The following CD3G variants were observed in gnomAD, a reference collection of about 807,000 sequenced individuals.
CD3G encodes T-cell surface glycoprotein CD3 gamma chain.
A neutral mutation model predicts 28.3 loss-of-function variants in CD3G; 24 were observed. That is an observed-to-expected ratio of 0.85 (90% CI 0.61 to 1.19). CD3G has a LOEUF of 1.19. Ranked by LOEUF, CD3G falls within the 50% of genes most tolerant of loss-of-function variation. The pLI, the probability that CD3G is intolerant of heterozygous loss-of-function variation, is 0.00. For synonymous variants in CD3G, 71 were observed against 75.9 expected (o/e 0.93, Z 0.34); for missense variants, 211 against 210.0 (o/e 1.00, Z -0.03).
At chr11:118,350,410 C>A in intron 3 of CD3G, 142 bp from the exon 4 acceptor site, 2 of 748,804 alleles carry the variant, frequency 2.7e-6, no homozygotes, top group Non-Finnish European at 4.8e-6. Flanking sequence ...AGTTTTGGCG[C>A]AAGGATCTTC....
Position 118,350,697 on chromosome 11 carries a change from C to T in CD3G, c.439+14C>T. The T allele has an allele frequency of 1.9e-6, 3 of 1,613,594 alleles. No individual in the cohort carries two copies. The highest frequency in any genetic ancestry group is 1.1e-5 in the South Asian group (1 of 91,010). ...GCCAGTCGAGAGGTAAAAGAATGCTCTTAGATGAGAGATGGGACCACCTGA... is the reference window on the plus strand; with the variant it reads ...GCCAGTCGAGAGGTAAAAGAATGCTTTTAGATGAGAGATGGGACCACCTGA... On this transcript the variant is annotated intron_variant, in intron 4 of 6. Transcript: ENST00000532917.
chr11:118,350,679 G>A lies in CD3G; in HGVS notation c.435G>A (p.Ser145=). 6.2e-7 allele frequency: 1 copy of A among 1,613,676 alleles called. No homozygotes were observed. The highest frequency in any genetic ancestry group is 1.1e-5 in the South Asian group (1 of 91,018). The change falls in exon 4 of 7, where the codon TCG becomes TCA. Residue 145 remains serine, a synonymous_variant. Coordinates refer to ENST00000532917, the MANE Select transcript of CD3G (RefSeq NM_000073.3). ...FIAGQDGVRQ[S]RASDKQTLLP... is the part of the protein sequence containing the mutation. ...CTGGACAGGATGGAGTTCGCCAGTC[G>A]AGAGGTAAAAGAATGCTCTTAGATG...
rs377262966 is a variant in CD3G at position 118,344,463 on chromosome 11, A to G, written c.40A>G (p.Ile14Val). ...GGGCCTGGCTGTCCTCATCCTGGCT[A>G]TCATTCTTCTTCAAGGTAAGGGCCT... ...GKGLAVLILA[I>V]ILLQGTLAQS... The change falls in exon 1 of 7, where the codon ATC (isoleucine) becomes GTC (valine). Residue 14 changes from isoleucine (I) to valine (V), a missense_variant. Coordinates refer to ENST00000532917, the MANE Select transcript of CD3G (RefSeq NM_000073.3). 7.0e-6 allele frequency: 11 copies of G among 1,569,638 alleles called. No homozygotes were observed. In the African/African-American group the frequency reaches 1.3e-4, roughly 19 times the overall value.
At chr11:118,350,516 C>T (rs200725610) in intron 3 of CD3G, 36 bp from the exon 4 acceptor site, 4 of 1,535,054 alleles carry the variant, frequency 2.6e-6, no homozygotes, top group East Asian at 4.5e-5. Flanking sequence ...AAACAACTTT[C>T]GCAACCTGAA....
In CD3G at chr11:118,354,516, T is replaced by C. The variant is rs1178075023; in HGVS notation, c.*1416T>C. 3 of 151,520 alleles carry C rather than the reference T, an allele frequency of 2.0e-5. No individual in the cohort carries two copies. Among genetic ancestry groups the C allele is most frequent in the African/African-American group, 7.3e-5 (3 of 41,190 alleles). The allele number at this position is 151,520 out of a possible 1,614,324, so 9.4% of individuals were successfully genotyped here. ...GTGTATCTAGTATTTGTGTACTTAG[T>C]AGAGACAGGGTTTCACCATGTTGGC... On this transcript the variant is annotated 3_prime_UTR_variant, in exon 7 of 7. Transcript: ENST00000532917.
At chr11:118,347,548 CTAATT>C (rs1375132387) in intron 1 of CD3G, among the ~76,000 whole-genome samples, 2 of 152,140 alleles carry the variant, frequency 1.3e-5, no homozygotes, top group African/African-American at 4.8e-5. Flanking sequence ...TGGATTAAAT[CTAATT>C]GAATTGAATT....
chr11:118,346,232 G>A (rs548552638), intron 1 of CD3G, among the ~76,000 whole-genome samples: 6 of 152,082 alleles, frequency 3.9e-5, no homozygotes, highest in African/African-American at 7.2e-5. Context: ...TCAGGAGTTC[G>A]AGACCATCCT....
intron 1 of CD3G, 143 bp from the exon 2 acceptor site, chr11:118,348,884 T>A (rs1217589754): frequency 2.2e-6 from 2 of 900,634 alleles, no homozygotes; most frequent in East Asian, 4.9e-5. Flanking sequence ...TAGTCTACAA[T>A]CCGGAAAACT....
In CD3G at chr11:118,354,871, T is replaced by C. The variant is rs1186423890; in HGVS notation, c.*1771T>C. On this transcript the variant is annotated 3_prime_UTR_variant, in exon 7 of 7. Transcript: ENST00000532917. Reference sequence around the variant, plus strand: ...TTTGATATAAGTCCTTTATCAGATATATGATTTGGAAATATTTTCTACCAA... The same window carrying C: ...TTTGATATAAGTCCTTTATCAGATACATGATTTGGAAATATTTTCTACCAA... 1.3e-5 allele frequency: 2 copies of C among 152,206 alleles called. No homozygotes were observed. Among genetic ancestry groups the C allele is most frequent in the Admixed American group, 6.5e-5 (1 of 15,280 alleles). The allele number at this position is 152,206 out of a possible 1,614,324, so 9.4% of individuals were successfully genotyped here.
Position 118,355,076 on chromosome 11 carries a change from T to C in CD3G, c.*1976T>C, listed in dbSNP as rs576809245. The C allele has an allele frequency of 6.6e-6, 1 of 152,226 alleles. No individual in the cohort carries two copies. The highest frequency in any genetic ancestry group is 6.5e-5 in the Admixed American group (1 of 15,298). 9.4% of individuals were successfully genotyped at this position (152,226 alleles called of 1,614,324 possible). On this transcript the variant is annotated 3_prime_UTR_variant, in exon 7 of 7. Coordinates refer to ENST00000532917, the MANE Select transcript of CD3G (RefSeq NM_000073.3). ...CTTCTTTTTATACTTTTTACAGCTT[T>C]ATGGTTTTAGCTCTAACAATAAATG...
chr11:118,350,068 A>G, intron 3 of CD3G, 98 bp downstream of exon 3: 2 of 875,258 alleles, frequency 2.3e-6, no homozygotes, highest in Non-Finnish European at 3.8e-6. Flanking sequence ...TAGATCCTCA[A>G]CAGTAATATT....
intron 1 of CD3G, among the ~76,000 whole-genome samples, chr11:118,348,291 C>A (rs991036256): frequency 2.6e-5 from 4 of 152,150 alleles, no homozygotes; most frequent in Non-Finnish European, 4.4e-5. Flanking sequence ...TGCCTGCAAT[C>A]TTAAGGATTC....
chr11:118,354,672 T>C lies in CD3G; in HGVS notation c.*1572T>C, dbSNP rs984470170. 2 of 152,094 alleles carry C rather than the reference T, an allele frequency of 1.3e-5. No individual in the cohort carries two copies. Among genetic ancestry groups the C allele is most frequent in the Admixed American group, 6.6e-5 (1 of 15,230 alleles). 9.4% of individuals were successfully genotyped at this position (152,094 alleles called of 1,614,324 possible). On this transcript the variant is annotated 3_prime_UTR_variant, in exon 7 of 7. Transcript: ENST00000532917. The stretch of plus-strand genomic sequence containing the variant: ...TAATATAGCCATTCTATGGATTTAA[T>C]ATGGTATTTTATTATGGCCTTAATT...
rs371598107 is a variant in CD3G, at chr11:118,353,410, T to G, written c.*310T>G. 4 of 152,242 alleles carry G rather than the reference T, an allele frequency of 2.6e-5. No homozygotes were observed. The highest frequency in any genetic ancestry group is 4.1e-4 in the South Asian group (2 of 4,830). 9.4% of individuals were successfully genotyped at this position (152,242 alleles called of 1,614,324 possible). A position where few individuals can be genotyped will look rare whatever the true frequency, so the allele number is the denominator to read the frequency against. On this transcript the variant is annotated 3_prime_UTR_variant, in exon 7 of 7. Coordinates refer to ENST00000532917, the MANE Select transcript of CD3G (RefSeq NM_000073.3). ...TTTTGTGTTGTAATTTTTATTTCGT[T>G]TTTGTATAGGTTATAATTCACATGG... is the stretch of plus-strand genomic sequence containing the variant.
chr11:118,352,491 G>C lies in CD3G; in HGVS notation c.*18+4G>C. Reference sequence around the variant, plus strand: ...TTGAACTCAGGACTCAGAGTAGGTGGGTTCTTCAATGCCAATTCTAATAAA... The same window carrying C: ...TTGAACTCAGGACTCAGAGTAGGTGCGTTCTTCAATGCCAATTCTAATAAA... On this transcript the variant is annotated splice_donor_region_variant and intron_variant, in intron 6 of 6. Coordinates refer to ENST00000532917, the MANE Select transcript of CD3G (RefSeq NM_000073.3). 6.2e-7 allele frequency: 1 copy of C among 1,601,860 alleles called. No individual in the cohort carries two copies. Among genetic ancestry groups the C allele is most frequent in the Non-Finnish European group, 8.6e-7 (1 of 1,169,332 alleles).
chr11:118,351,704 G>A (rs201960353), intron 5 of CD3G, 33 bp downstream of exon 5: 77 of 1,601,492 alleles, frequency 4.8e-5, no homozygotes, highest in Non-Finnish European at 6.5e-5. Context: ...AGACATTGCT[G>A]TAATTAGTGG....
chr11:118,350,741 T>C, intron 4 of CD3G, 58 bp downstream of exon 4: 1 of 1,612,056 alleles, frequency 6.2e-7, no homozygotes, highest in African/African-American at 1.3e-5. Flanking sequence ...GCTTTCCTCC[T>C]ACCATTATGT....
rs1483653996 is a variant in CD3G at position 118,354,633 on chromosome 11, C to A, written c.*1533C>A. 1.3e-5 allele frequency: 2 copies of A among 151,900 alleles called. No individual in the cohort carries two copies. Among genetic ancestry groups the A allele is most frequent in the African/African-American group, 2.4e-5 (1 of 41,404 alleles). The allele number at this position is 151,900 out of a possible 1,614,324, so 9.4% of individuals were successfully genotyped here. ...ACAGGTGTGAGCCACCGCGCCAGGC[C>A]CGTAACTGTATTTTAATATAGCCAT... is the stretch of plus-strand genomic sequence containing the variant. On this transcript the variant is annotated 3_prime_UTR_variant, in exon 7 of 7. Coordinates refer to ENST00000532917, the MANE Select transcript of CD3G (RefSeq NM_000073.3).
intron 4 of CD3G, chr11:118,350,889 G>GAAGAAAAAAAAAAAAAA (rs1948402050): frequency 1.1e-5 from 6 of 523,510 alleles, no homozygotes; most frequent in African/African-American, 2.9e-5. Context: ...CTCCCTCTGT[G>GAAGAAAAAAAAAAAAAA]AAAAAAAAAA....
Sources: gnomAD v4.1 joint callset for allele counts (sites outside exome capture counted in the v4.1 genomes callset) on GRCh38, gnomAD v4.1.1 for gene constraint, MANE v1.5 for transcripts, NCBI Gene and HGNC (gene_info 2026-07-23, HGNC 2026-07-21) for gene names.